The following CASZ1 variants were observed in gnomAD, a reference collection of about 807,000 sequenced individuals.
CASZ1 encodes the protein zinc finger protein castor homolog 1.
Under a neutral mutation model 135.2 loss-of-function variants are expected in CASZ1, and 28 were observed. The observed-to-expected ratio is 0.21, with a 90% CI of 0.15 to 0.28. The LOEUF (loss-of-function observed/expected upper bound fraction) is 0.28, where lower values mean the gene tolerates loss of function less well. Ranked by LOEUF, CASZ1 falls within the 10% of genes least tolerant of loss-of-function variation. The pLI, the probability that CASZ1 is intolerant of heterozygous loss-of-function variation, is 1.00. For missense variants in CASZ1, 2,161 were observed against 2,453.3 expected (o/e 0.88, Z 2.52); for synonymous variants, 1,068 against 1,073.4 (o/e 0.99, Z 0.10).
chr1:10,698,886 G>T (rs1268235743), intron 3 of CASZ1, among the ~76,000 whole-genome samples: 1 of 152,242 alleles, frequency 6.6e-6, no homozygotes, highest in Non-Finnish European at 1.5e-5. Flanking sequence ...CTCAGGCTTA[G>T]GTCACAGCTT....
chr1:10,796,142 G>A (rs992228332), intron 1 of CASZ1, among the ~76,000 whole-genome samples: 7 of 151,954 alleles, frequency 4.6e-5, no homozygotes, highest in Non-Finnish European at 7.4e-5. Context: ...ACAGCGCGTG[G>A]GGCGCCCCCA....
intron 4 of CASZ1, among the ~76,000 whole-genome samples, chr1:10,682,502 T>C (rs184681582): frequency 1.2e-3 from 180 of 151,364 alleles, no homozygotes; most frequent in African/African-American, 4.1e-3. Context: ...AGAAGTTGAG[T>C]GGGGAAGAGG....
intron 2 of CASZ1, among the ~76,000 whole-genome samples, chr1:10,730,744 G>C (rs564120066): frequency 6.6e-6 from 1 of 152,290 alleles, no homozygotes; most frequent in African/African-American, 2.4e-5. Flanking sequence ...CTGCAACCTT[G>C]ACGGCATCCT....
chr1:10,746,494 C>T (rs76973095), intron 2 of CASZ1, among the ~76,000 whole-genome samples: 1,718 of 152,318 alleles, frequency 0.011, 24 homozygotes, highest in African/African-American at 0.039. Flanking sequence ...AAGGAGTCTG[C>T]GCGGGATCCC....
In CASZ1 at chr1:10,699,002, C is replaced by A. The variant is rs540406457; in HGVS notation, c.-23-5090G>T. Among the ~76,000 whole-genome samples the A allele has an allele frequency of 2.0e-5, 3 of 152,242 alleles. No homozygotes were observed. The highest frequency in any genetic ancestry group is 4.8e-5 in the African/African-American group (2 of 41,472). ...CCACTCAGCTCCCCCACCGCTCCCC[C>A]ACCCATGGCCTGGCCTGGGTTGGGG... On this transcript the variant is annotated intron_variant, in intron 3 of 20. Transcript: ENST00000377022. The surrounding 1 kb of genome is among the most constrained non-coding windows in gnomAD (Gnocchi z 4.6).
chr1:10,684,361 C>T (rs1326069355), intron 4 of CASZ1, among the ~76,000 whole-genome samples: 3 of 151,032 alleles, frequency 2.0e-5, no homozygotes, highest in East Asian at 3.9e-4. Flanking sequence ...TTGGAGGGGG[C>T]GGGGAGCGGG....
rs190027088 is a variant in CASZ1, at chr1:10,750,905, T to A, written c.-77+9796A>T. On this transcript the variant is annotated intron_variant, in intron 2 of 20. Coordinates refer to ENST00000377022, the MANE Select transcript of CASZ1 (RefSeq NM_001079843.3). ...CAGAGCAAGACTCTGTCTCAAAAAA[T>A]ATATATATATAAATATAAATAAAAT... Among the ~76,000 whole-genome samples the A allele has an allele frequency of 3.1e-3, 465 of 149,616 alleles. 1 individual carries two copies. The highest frequency in any genetic ancestry group is 0.011 in the African/African-American group (430 of 40,560).
chr1:10,669,433 T>G (rs925194640), intron 4 of CASZ1, among the ~76,000 whole-genome samples: 6 of 152,166 alleles, frequency 3.9e-5, no homozygotes, highest in African/African-American at 1.4e-4. Context: ...AATAAATAAT[T>G]TACTGATATT....
chr1:10,704,986 C>T (rs78851410), intron 3 of CASZ1, among the ~76,000 whole-genome samples: 3,869 of 152,370 alleles, frequency 0.025, 131 homozygotes, highest in East Asian at 0.13. Flanking sequence ...TTCTCCCTGC[C>T]AGCCTCTTAG....
rs373346494 is a variant in CASZ1 at position 10,689,271 on chromosome 1, G to A, written c.16+4603C>T. 1.4e-4 allele frequency among the ~76,000 whole-genome samples: 21 copies of A among 152,360 alleles called. No individual in the cohort carries two copies. In the East Asian group the frequency reaches 3.9e-3, roughly 28 times the overall value. Reference sequence around the variant, plus strand: ...CCACCCAATCCCCTGCTCAGGCAGCGGGCACGGCCTTGAGCCAGGGCAGCC... The same window carrying A: ...CCACCCAATCCCCTGCTCAGGCAGCAGGCACGGCCTTGAGCCAGGGCAGCC... On this transcript the variant is annotated intron_variant, in intron 4 of 20. Transcript: ENST00000377022.
At chr1:10,689,834 A>T (rs980555589) in intron 4 of CASZ1, among the ~76,000 whole-genome samples, 1 of 152,224 alleles carries the variant, frequency 6.6e-6, no homozygotes, top group African/African-American at 2.4e-5. Flanking sequence ...ACAGCTGAAG[A>T]TCTTAAAGGT....
chr1:10,728,890 C>A (rs552572625), intron 2 of CASZ1, among the ~76,000 whole-genome samples: 1 of 152,204 alleles, frequency 6.6e-6, no homozygotes, highest in South Asian at 2.1e-4. Context: ...CACACGGGGG[C>A]CGCAGGCCCT....
At chr1:10,678,499 G>A (rs1570463049) in intron 4 of CASZ1, among the ~76,000 whole-genome samples, 1 of 126,268 alleles carries the variant, frequency 7.9e-6, no homozygotes, top group East Asian at 1.9e-4. Context: ...GCCCCCGCGA[G>A]GGGGCCCGAG....
intron 9 of CASZ1, 41 bp from the exon 10 acceptor site, chr1:10,654,632 G>A (rs940861420): frequency 1.3e-6 from 2 of 1,595,908 alleles, no homozygotes; most frequent in African/African-American, 1.3e-5. Flanking sequence ...CGGAGGCCAG[G>A]TGCTCCTGGG....
intron 1 of CASZ1, among the ~76,000 whole-genome samples, chr1:10,763,434 C>T (rs1353318852): frequency 2.0e-5 from 3 of 152,186 alleles, no homozygotes; most frequent in African/African-American, 4.8e-5. Context: ...GACTTCCCTC[C>T]TACCTTGCAG....
In CASZ1 at chr1:10,709,769, A is replaced by AT. The variant is rs1639250173; in HGVS notation, c.-76-4226dup. ...CCGCAGGGGGATGCGCACCAGGGGG[A>AT]TCCCATGGCATAACCAGGCAAAACG... On this transcript the variant is annotated intron_variant, in intron 2 of 20. Coordinates refer to ENST00000377022, the MANE Select transcript of CASZ1 (RefSeq NM_001079843.3). The surrounding 1 kb of genome is among the most constrained non-coding windows in gnomAD (Gnocchi z 5.1). Among the ~76,000 whole-genome samples, 1 of 152,064 alleles carries AT rather than the reference A, an allele frequency of 6.6e-6. No individual in the cohort carries two copies. The highest frequency in any genetic ancestry group is 2.4e-5 in the African/African-American group (1 of 41,406).
At position 10,693,873 on chromosome 1, in the gene CASZ1, C is replaced by A; in HGVS notation, c.16+1G>T. The A allele has an allele frequency of 1.2e-6, 2 of 1,613,036 alleles. No individual in the cohort carries two copies. Among genetic ancestry groups the A allele is most frequent in the Non-Finnish European group, 1.7e-6 (2 of 1,179,324 alleles). ...GCCCCTGCGTTCCCACCGGCCGGTA[C>A]CTGTTCCAAGATCCATTCTCTTCTC... On this transcript the variant is annotated splice_donor_variant, in intron 4 of 20. Transcript: ENST00000377022. LOFTEE classifies it high-confidence loss of function.
intron 4 of CASZ1, among the ~76,000 whole-genome samples, chr1:10,686,227 G>C (rs1638583096): frequency 6.6e-6 from 1 of 152,174 alleles, no homozygotes; most frequent in African/African-American, 2.4e-5. Context: ...TCCACACCAG[G>C]AATATTTACT....
At chr1:10,773,420 T>C (rs1419342937) in intron 1 of CASZ1, among the ~76,000 whole-genome samples, 1 of 148,894 alleles carries the variant, frequency 6.7e-6, no homozygotes, top group African/African-American at 2.5e-5. Context: ...GGGGTGGAGC[T>C]GGCCTGGGAG....
Sources: allele counts gnomAD v4.1 joint callset (sites outside exome capture counted in the v4.1 genomes callset), GRCh38; gene constraint gnomAD v4.1.1; non-coding constraint Gnocchi (gnomAD v3.1); transcripts MANE v1.5; gene names NCBI Gene and HGNC (gene_info 2026-07-23, HGNC 2026-07-21).